The following PZP variants were observed in gnomAD, a reference collection of about 807,000 sequenced individuals.
PZP encodes PZP alpha-2-macroglobulin like.
Under a neutral mutation model 179.8 loss-of-function variants are expected in PZP, and 150 were observed. The observed-to-expected ratio is 0.83, with a 90% CI of 0.73 to 0.96. PZP has a LOEUF of 0.96. Ranked by LOEUF, PZP falls within the 40% of genes least tolerant of loss-of-function variation. The pLI is 0.00. For synonymous variants in PZP, 624 were observed against 652.3 expected, an observed-to-expected ratio of 0.96 and a Z score of 0.66; for missense variants, 1,689 against 1,764.0, an observed-to-expected ratio of 0.96 and a Z score of 0.76.
chr12:9,158,581 G>A lies in PZP; in HGVS notation c.3138-5C>T. The A allele has an allele frequency of 6.2e-7, 1 of 1,613,780 alleles. No homozygotes were observed. Among genetic ancestry groups the A allele is most frequent in the South Asian group, 1.1e-5 (1 of 91,052 alleles). ...TTCAGTACAAAAGCTGTGAGCCTAG[G>A]GGGAGGAAAAATGCAGTGCTGAGGC... On this transcript the variant is annotated splice_polypyrimidine_tract_variant and splice_region_variant and intron_variant, in intron 25 of 35. Coordinates refer to ENST00000261336, the MANE Select transcript of PZP (RefSeq NM_002864.3).
At chr12:9,142,534 A>T in the PZP span, among the ~76,000 whole-genome samples, 3 of 152,358 alleles carry the variant, frequency 2.0e-5, 1 homozygote, top group Admixed American at 2.0e-4. Context: ...GAAAGGTCCC[A>T]TAGCTTTTAC....
chr12:9,156,906 TTATC>T (rs1940797766), intron 28 of PZP, among the ~76,000 whole-genome samples: 1 of 152,008 alleles, frequency 6.6e-6, no homozygotes, highest in East Asian at 1.9e-4. Context: ...CTTTTATTAT[TTATC>T]TATTTATTTA....
intron 12 of PZP, 117 bp downstream of exon 12, chr12:9,192,395 G>T: frequency 7.9e-7 from 1 of 1,267,280 alleles, no homozygotes; most frequent in Non-Finnish European, 1.1e-6. Context: ...AATGAAGGAC[G>T]CACAACAAGA....
At chr12:9,161,585 T>C (rs1248477010) in intron 22 of PZP, among the ~76,000 whole-genome samples, 1 of 152,192 alleles carries the variant, frequency 6.6e-6, no homozygotes, top group African/African-American at 2.4e-5. Flanking sequence ...CTCTCCACTT[T>C]TGTAGCAATA....
chr12:9,196,344 G>A lies in PZP; in HGVS notation c.1078C>T (p.Pro360Ser). 6.2e-7 allele frequency: 1 copy of A among 1,609,496 alleles called. No individual in the cohort carries two copies. The highest frequency in any genetic ancestry group is 8.5e-7 in the Non-Finnish European group (1 of 1,176,000). Residue 360 changes from proline (P) to serine (S), a missense_variant, in exon 10 of 36, where the codon CCC (proline) becomes TCC (serine). Pro to Ser is a moderately conservative substitution (Grantham distance 74, BLOSUM62 -1). Transcript: ENST00000261336. ...KVDSHFRQGI[P>S]FFAQVLLVDG... ...ACATATCTTACCTGTGCAAAAAAGGGGATTCCTTGTCTAAAGTGTGAATCC... is the reference window on the plus strand; with the variant it reads ...ACATATCTTACCTGTGCAAAAAAGGAGATTCCTTGTCTAAAGTGTGAATCC...
intron 35 of PZP, 113 bp downstream of exon 35, chr12:9,149,448 C>T (rs764326523): frequency 6.7e-6 from 7 of 1,049,994 alleles, no homozygotes; most frequent in African/African-American, 1.6e-5. Context: ...TGAGGACATG[C>T]CATGTGGATT....
intron 2 of PZP, among the ~76,000 whole-genome samples, chr12:9,202,975 C>G (rs1944251215): frequency 6.6e-6 from 1 of 152,084 alleles, no homozygotes; most frequent in Admixed American, 6.6e-5. Context: ...AGAGAAACAT[C>G]TCTGAAAAAA....
downstream of PZP, among the ~76,000 whole-genome samples, chr12:9,146,644 AG>A (rs34657777): frequency 0.25 from 38,057 of 152,110 alleles, 5,508 homozygotes; most frequent in Admixed American, 0.32. Flanking sequence ...AGTCTTGTAT[AG>A]GAGAAGGTTC....
At chr12:9,193,620 A>G (rs985962706) in intron 11 of PZP, among the ~76,000 whole-genome samples, 1 of 152,220 alleles carries the variant, frequency 6.6e-6, no homozygotes, top group African/African-American at 2.4e-5. Context: ...ACTGAAATCC[A>G]TAAATTATAG....
At chr12:9,179,388 T>C (rs896474044) in intron 15 of PZP, among the ~76,000 whole-genome samples, 1 of 152,210 alleles carries the variant, frequency 6.6e-6, no homozygotes, top group African/African-American at 2.4e-5. Flanking sequence ...CAGCATGTAG[T>C]AAGCTTGAAA....
intron 15 of PZP, among the ~76,000 whole-genome samples, chr12:9,175,182 A>G (rs1451693525): frequency 6.6e-6 from 1 of 152,234 alleles, no homozygotes; most frequent in Non-Finnish European, 1.5e-5. Flanking sequence ...CTGATCTTTG[A>G]CAAACTTGAC....
At position 9,162,584 on chromosome 12, in the gene PZP, G is replaced by A; in HGVS notation, c.2788+13C>T. 1 of 1,555,742 alleles carries A rather than the reference G, an allele frequency of 6.4e-7. No homozygotes were observed. The highest frequency in any genetic ancestry group is 1.1e-5 in the South Asian group (1 of 89,202). Reference sequence around the variant, plus strand: ...GTTTTGATCTCACTATGATTATGAAGATGGACTCTTACCTGAGGCACAGGT... The same window carrying A: ...GTTTTGATCTCACTATGATTATGAAAATGGACTCTTACCTGAGGCACAGGT... On this transcript the variant is annotated intron_variant, in intron 22 of 35. Transcript: ENST00000261336.
intron 7 of PZP, 61 bp downstream of exon 7, chr12:9,200,302 CT>C: frequency 8.8e-7 from 1 of 1,140,872 alleles, no homozygotes; most frequent in African/African-American, 1.6e-5. Flanking sequence ...AATTTTGTAC[CT>C]ACATAATCCC....
At chr12:9,158,371 G>A in intron 26 of PZP, 49 bp downstream of exon 26, 1 of 1,602,204 alleles carries the variant, frequency 6.2e-7, no homozygotes, top group Non-Finnish European at 8.5e-7. Context: ...ACCCCTGGGG[G>A]ATGTTATGTT....
intron 17 of PZP, chr12:9,167,561 T>A (rs1941676165): frequency 6.6e-6 from 1 of 152,226 alleles, no homozygotes; most frequent in South Asian, 2.1e-4. Flanking sequence ...CCACCCCTGC[T>A]GCTTTTCATT....
At chr12:9,195,295 A>T (rs193108386) in intron 10 of PZP, among the ~76,000 whole-genome samples, 271 of 152,288 alleles carry the variant, frequency 1.8e-3, no homozygotes, top group Admixed American at 2.7e-3. Flanking sequence ...TATTCCATAA[A>T]TGTTAGTTAC....
At chr12:9,196,962 T>C in intron 8 of PZP, 50 bp downstream of exon 8, 1 of 1,343,356 alleles carries the variant, frequency 7.4e-7, no homozygotes, top group Non-Finnish European at 1.1e-6. Flanking sequence ...AAATGGAGTC[T>C]CACTGGTTGT....
Position 9,151,685 on chromosome 12 carries a change from A to G in PZP, c.4213-13T>C, listed in dbSNP as rs1470838412. Reference sequence around the variant, plus strand: ...TAGATCTTTCAAGCTGGAGAGAATTAGAAAACTTCAGTTAAAGTTAGAGAA... The same window carrying G: ...TAGATCTTTCAAGCTGGAGAGAATTGGAAAACTTCAGTTAAAGTTAGAGAA... On this transcript the variant is annotated splice_polypyrimidine_tract_variant and intron_variant, in intron 32 of 35. Transcript: ENST00000261336. The G allele has an allele frequency of 6.2e-7, 1 of 1,609,456 alleles. No individual in the cohort carries two copies. The highest frequency in any genetic ancestry group is 1.7e-5 in the Admixed American group (1 of 59,896).
intron 11 of PZP, among the ~76,000 whole-genome samples, chr12:9,193,057 A>G (rs1455527606): frequency 3.3e-5 from 5 of 152,230 alleles, no homozygotes; most frequent in African/African-American, 7.2e-5. Context: ...GATTTTTCAG[A>G]TATTAGAATT....
Sources: gnomAD v4.1 joint callset for allele counts (sites outside exome capture counted in the v4.1 genomes callset) on GRCh38, gnomAD v4.1.1 for gene constraint, MANE v1.5 for transcripts, NCBI Gene and HGNC (gene_info 2026-07-23, HGNC 2026-07-21) for gene names.